THAP4: variants seen among roughly 807,000 people sequenced by gnomAD.
THAP4 encodes the protein THAP domain containing 4.
THAP4 carries 18 observed loss-of-function variants against 48.1 expected under a neutral mutation model. The ratio of observed to expected loss-of-function variants is 0.37; its 90% CI spans 0.26 to 0.56. The LOEUF (loss-of-function observed/expected upper bound fraction) is 0.56, where lower values mean the gene tolerates loss of function less well. Among genes scored for constraint, THAP4 ranks in the 20% least tolerant of loss-of-function variants. THAP4 has a pLI of 0.78. For missense variants in THAP4, 656 were observed against 774.9 expected (o/e 0.85, Z 1.82); for synonymous variants, 345 against 324.9 (o/e 1.06, Z -0.66).
intron 5 of THAP4, among the ~76,000 whole-genome samples, chr2:241,600,600 C>T (rs1188587124): frequency 6.6e-6 from 1 of 150,614 alleles, no homozygotes; most frequent in Non-Finnish European, 1.5e-5. Flanking sequence ...TGGTGGCGGG[C>T]ACCTGTAGTC....
chr2:241,585,949 AAAAG>A (rs1018288069), intron 5 of THAP4, among the ~76,000 whole-genome samples: 6 of 150,000 alleles, frequency 4.0e-5, no homozygotes, highest in Non-Finnish European at 7.4e-5. Flanking sequence ...AAGAAAAAGA[AAAAG>A]AAAGAAAAAA....
Position 241,634,175 on chromosome 2 carries a change from CCTA to C in THAP4, c.78-99_78-97del, listed in dbSNP as rs1575042210. ...GCAAAACAAGTATTTTTGCACGCACCCTAAGCCGTATTGACTTCATCCACTTAA... is the reference window on the plus strand; with the variant it reads ...GCAAAACAAGTATTTTTGCACGCACCAGCCGTATTGACTTCATCCACTTAA... On this transcript the variant is annotated intron_variant, in intron 1 of 5. Transcript: ENST00000407315. 43 of 927,982 alleles carry C rather than the reference CCTA, an allele frequency of 4.6e-5. No homozygotes were observed. In the East Asian group the frequency reaches 1.1e-3, roughly 23 times the overall value. 57.5% of individuals were successfully genotyped at this position (927,982 alleles called of 1,614,324 possible). A position where few individuals can be genotyped will look rare whatever the true frequency, so the allele number is the denominator to read the frequency against.
In THAP4 at chr2:241,633,861, C is replaced by G. The variant is rs779423822; in HGVS notation, c.296G>C (p.Arg99Pro). Residue 99 changes from arginine to proline, a missense_variant, in exon 2 of 6, where the codon CGC (arginine) becomes CCC (proline). This residue lies in a region of THAP4 where 391 missense variants were observed against 412.4 expected (regional missense o/e 0.95). Transcript: ENST00000407315. The surrounding 1 kb of genome is among the most constrained non-coding windows in gnomAD (Gnocchi z 7.5). ...CTTGCTGGCATCTTTTCTCCGGGTG[C>G]GGCCATGGCCTCCAGCCCCCCTCTT... is the stretch of plus-strand genomic sequence containing the variant. Reference protein sequence around the residue: ...EKKRGAGGHGRTRRKDASKAT... With the variant: ...EKKRGAGGHGPTRRKDASKAT... The G allele has an allele frequency of 3.1e-6, 5 of 1,613,674 alleles. No individual in the cohort carries two copies. Among genetic ancestry groups the G allele is most frequent in the Admixed American group, 3.3e-5 (2 of 60,014 alleles).
intron 3 of THAP4, 128 bp from the exon 4 acceptor site, chr2:241,603,207 C>G (rs1343810757): frequency 1.4e-6 from 1 of 690,096 alleles, no homozygotes; most frequent in Non-Finnish European, 2.6e-6. Context: ...CACCTGTCTG[C>G]CCCTACCACC....
At chr2:241,628,263 G>A (rs745562933) in intron 2 of THAP4, among the ~76,000 whole-genome samples, 30 of 151,854 alleles carry the variant, frequency 2.0e-4, no homozygotes, top group Admixed American at 5.2e-4. Flanking sequence ...CTCCTGGGCC[G>A]GGCACTGAAG....
chr2:241,606,415 C>G lies in THAP4; in HGVS notation c.1299G>C (p.Leu433=), dbSNP rs1403186307. The part of the protein sequence containing the change: ...EPLSWMLGTW[L]SDPPGAGTYP... ...AGGTCCCGGCTCCAGGTGGGTCCGA[C>G]AGCCAGGTGCCCAGCATCCAGGACA... Residue 433 remains leucine (L), a synonymous_variant, in exon 3 of 6, where the codon CTG becomes CTC. Coordinates refer to ENST00000407315, the MANE Select transcript of THAP4 (RefSeq NM_015963.6). 3.7e-6 allele frequency: 6 copies of G among 1,607,188 alleles called. No individual in the cohort carries two copies. Among genetic ancestry groups the G allele is most frequent in the Admixed American group, 3.4e-5 (2 of 59,130 alleles).
At position 241,602,883 on chromosome 2, in the gene THAP4, T is replaced by C. The variant is rs6437269; in HGVS notation, c.1510+87A>G. 0.31 allele frequency: 316,906 copies of C among 1,014,072 alleles called. 51,452 individuals carry two copies. The highest frequency in any genetic ancestry group is 0.44 in the South Asian group (33,493 of 76,828). 62.8% of individuals were successfully genotyped at this position (1,014,072 alleles called of 1,614,324 possible). On this transcript the variant is annotated intron_variant, in intron 4 of 5. Coordinates refer to ENST00000407315, the MANE Select transcript of THAP4 (RefSeq NM_015963.6). Reference sequence around the variant, plus strand: ...CCACCAGCACATGCCTCAGCAGGGTTGCACATGGGCATCCCTGCACCCCTG... The same window carrying C: ...CCACCAGCACATGCCTCAGCAGGGTCGCACATGGGCATCCCTGCACCCCTG...
At chr2:241,600,998 G>C (rs1575022781) in intron 5 of THAP4, among the ~76,000 whole-genome samples, 1 of 152,020 alleles carries the variant, frequency 6.6e-6, no homozygotes, top group African/African-American at 2.4e-5. Context: ...GGACAATCTG[G>C]CCGGGCACGG....
At chr2:241,634,820 T>C (rs2125101616) in intron 1 of THAP4, among the ~76,000 whole-genome samples, 1 of 152,252 alleles carries the variant, frequency 6.6e-6, no homozygotes, top group African/African-American at 2.4e-5. Context: ...AAACCCGGTC[T>C]TCTCCCCTCA....
intron 2 of THAP4, among the ~76,000 whole-genome samples, chr2:241,615,778 T>C (rs1270705384): frequency 6.6e-6 from 1 of 152,140 alleles, no homozygotes; most frequent in Non-Finnish European, 1.5e-5. Context: ...TCCTCTCTTC[T>C]CCCAGGTGGG....
rs2066869762 is a variant in THAP4, at chr2:241,584,635, G to A, written c.1705C>T (p.His569Tyr). 1 of 1,614,080 alleles carries A rather than the reference G, an allele frequency of 6.2e-7. No individual in the cohort carries two copies. The highest frequency in any genetic ancestry group is 8.5e-7 in the Non-Finnish European group (1 of 1,180,032). Residue 569 changes from histidine to tyrosine, a missense_variant, in exon 6 of 6, where the codon CAC (histidine) becomes TAC (tyrosine). Physicochemically the swap from His to Tyr is moderately conservative, Grantham distance 83 (BLOSUM62 2). Transcript: ENST00000407315. Reference sequence around the variant, plus strand: ...GGGGTCACCTTCTTGTAGGTGACGTGAAGATGCTGAGTCATTGGCTGTGTC... The same window carrying A: ...GGGGTCACCTTCTTGTAGGTGACGTAAAGATGCTGAGTCATTGGCTGTGTC... ...TTTQPMTQHL[H>Y]VTYKKVTP is the part of the protein sequence containing the mutation.
intron 5 of THAP4, among the ~76,000 whole-genome samples, chr2:241,586,130 G>T (rs1396942661): frequency 6.7e-6 from 1 of 149,508 alleles, no homozygotes; most frequent in Non-Finnish European, 1.5e-5. Context: ...GGTGGCGGGT[G>T]CCTGTAGTCC....
chr2:241,590,066 T>G (rs2066939908), intron 5 of THAP4, among the ~76,000 whole-genome samples: 2 of 149,952 alleles, frequency 1.3e-5, no homozygotes, highest in Non-Finnish European at 3.0e-5. Flanking sequence ...GCTGCTCGGC[T>G]GACGATGATG....
At chr2:241,614,612 G>A (rs556347077) in intron 2 of THAP4, among the ~76,000 whole-genome samples, 19 of 152,138 alleles carry the variant, frequency 1.2e-4, no homozygotes, top group African/African-American at 1.9e-4. Context: ...ACCGCCGGGC[G>A]CAGTGGCTCA....
intron 2 of THAP4, among the ~76,000 whole-genome samples, chr2:241,620,910 G>A (rs1055628322): frequency 2.9e-4 from 44 of 152,032 alleles, no homozygotes; most frequent in Admixed American, 1.2e-3. Flanking sequence ...CACACGGCTG[G>A]ATCTGATATT....
Position 241,610,422 on chromosome 2 carries a change from GGCTGGGCGGC to G in THAP4, c.1241-3959_1241-3950del, listed in dbSNP as rs986184102. On this transcript the variant is annotated intron_variant, in intron 2 of 5. Transcript: ENST00000407315. This position sits in a 1 kb window ranked among gnomAD's most constrained non-coding sequence, Gnocchi z 4.2. ...GGAGCGGCAGAGGAGTCAGGGCGGA[GGCTGGGCGGC>G]GCTGGGCGGTGGGGCGCGCTCACTG... 2.0e-5 allele frequency among the ~76,000 whole-genome samples: 3 copies of G among 152,210 alleles called. No homozygotes were observed. The highest frequency in any genetic ancestry group is 7.2e-5 in the African/African-American group (3 of 41,464).
At chr2:241,604,875 G>A (rs1166436030) in intron 3 of THAP4, among the ~76,000 whole-genome samples, 5 of 152,168 alleles carry the variant, frequency 3.3e-5, no homozygotes, top group South Asian at 2.1e-4. Context: ...ATTTCTGTTG[G>A]GCTAGTGATG....
In THAP4 at chr2:241,603,062, G is replaced by A. The variant is rs548209017; in HGVS notation, c.1418C>T (p.Pro473Leu). The A allele has an allele frequency of 3.2e-5, 51 of 1,613,786 alleles. 1 individual carries two copies. In the South Asian group the frequency reaches 3.6e-4, roughly 11 times the overall value. Residue 473 changes from proline to leucine, a missense_variant, in exon 4 of 6, where the codon CCG (proline) becomes CTG (leucine). Physicochemically the swap from Pro to Leu is moderately conservative, Grantham distance 98. This residue lies in a region of THAP4 where 176 missense variants were observed against 256.7 expected (regional missense o/e 0.69). Transcript: ENST00000407315. ...MLNFSFNSFH[P>L]DTRKPMHREC... is the part of the protein sequence containing the mutation. Reference sequence around the variant, plus strand: ...TCTGTGCATCGGCTTGCGCGTGTCCGGGTGGAAGGAGTTGAACCTGGACGG... The same window carrying A: ...TCTGTGCATCGGCTTGCGCGTGTCCAGGTGGAAGGAGTTGAACCTGGACGG...
At chr2:241,629,593 A>T (rs957397801) in intron 2 of THAP4, among the ~76,000 whole-genome samples, 1 of 152,092 alleles carries the variant, frequency 6.6e-6, no homozygotes, top group Non-Finnish European at 1.5e-5. Context: ...AGTAATCACA[A>T]TTGTAAATGA....
Sources: gnomAD v4.1 joint callset for allele counts (sites outside exome capture counted in the v4.1 genomes callset) on GRCh38, gnomAD v4.1.1 for gene constraint, gnomAD v4.1.1 regional missense constraint, Gnocchi (gnomAD v3.1) non-coding constraint, MANE v1.5 for transcripts, NCBI Gene and HGNC (gene_info 2026-07-23, HGNC 2026-07-21) for gene names.